The following FTO variants were observed in gnomAD, a reference collection of about 807,000 sequenced individuals.
FTO encodes the protein FTO alpha-ketoglutarate dependent dioxygenase.
FTO carries 47 observed loss-of-function variants against 63.9 expected under a neutral mutation model. The observed-to-expected ratio is 0.74, with a 90% CI of 0.58 to 0.94. The LOEUF (loss-of-function observed/expected upper bound fraction) is 0.94, where lower values mean the gene tolerates loss of function less well. Among genes scored for constraint, FTO ranks in the 40% least tolerant of loss-of-function variants. The pLI is 0.00. For synonymous variants in FTO, 207 were observed against 224.4 expected (o/e 0.92, Z 0.69); for missense variants, 562 against 618.1 (o/e 0.91, Z 0.96).
chr16:53,845,404 TG>T, intron 4 of FTO, among the ~76,000 whole-genome samples: 1 of 152,212 alleles, frequency 6.6e-6, no homozygotes, highest in East Asian at 1.9e-4. Flanking sequence ...GGATGAATCT[TG>T]GTTCTTGCCT....
chr16:54,069,491 C>T (rs1239691341), intron 8 of FTO, among the ~76,000 whole-genome samples: 1 of 152,036 alleles, frequency 6.6e-6, no homozygotes, highest in Non-Finnish European at 1.5e-5. Context: ...ATTATACGTT[C>T]CATGGGGAAA....
chr16:53,747,703 C>T (rs758327925), intron 1 of FTO, among the ~76,000 whole-genome samples: 1 of 151,782 alleles, frequency 6.6e-6, no homozygotes, highest in Non-Finnish European at 1.5e-5. Context: ...GCTTTTGTTG[C>T]CTTTGTTTTT....
chr16:54,098,281 G>T (rs1209873648), intron 8 of FTO, among the ~76,000 whole-genome samples: 1 of 152,184 alleles, frequency 6.6e-6, no homozygotes, highest in Non-Finnish European at 1.5e-5. Flanking sequence ...ATGCTACTGA[G>T]TTCCCTACCC....
chr16:53,883,613 A>C (rs2080905210), intron 6 of FTO, among the ~76,000 whole-genome samples: 1 of 119,114 alleles, frequency 8.4e-6, no homozygotes, highest in Non-Finnish European at 1.6e-5. Context: ...CAAGGGCGAA[A>C]CTCTATCTCA....
chr16:54,020,566 ATGACT>A (rs2084567402), intron 8 of FTO, among the ~76,000 whole-genome samples: 2 of 149,568 alleles, frequency 1.3e-5, no homozygotes, highest in African/African-American at 2.5e-5. Flanking sequence ...GATGGGAAAA[ATGACT>A]TGAATCAAAA....
intron 8 of FTO, among the ~76,000 whole-genome samples, chr16:53,980,130 A>G (rs2083510315): frequency 1.3e-5 from 2 of 152,202 alleles, no homozygotes; most frequent in South Asian, 4.1e-4. Context: ...CCTTAAGTCA[A>G]GAAGAACTGG....
intron 8 of FTO, among the ~76,000 whole-genome samples, chr16:53,980,621 C>CA (rs1330704498): frequency 6.6e-6 from 1 of 152,152 alleles, no homozygotes; most frequent in East Asian, 1.9e-4. Context: ...GGTTAGGATC[C>CA]AAAAAGCTGT....
At chr16:53,726,064 T>G (rs935981109) in intron 1 of FTO, among the ~76,000 whole-genome samples, 1 of 152,212 alleles carries the variant, frequency 6.6e-6, no homozygotes, top group African/African-American at 2.4e-5. Context: ...AATACAATCA[T>G]GTATTTCTAC....
chr16:53,824,668 A>G (rs934842845), intron 2 of FTO, among the ~76,000 whole-genome samples: 4 of 152,158 alleles, frequency 2.6e-5, no homozygotes, highest in African/African-American at 9.7e-5. Flanking sequence ...GTGAATGGTA[A>G]TTACTAAATG....
At chr16:53,985,647 C>T (rs750050969) in intron 8 of FTO, among the ~76,000 whole-genome samples, 8 of 152,176 alleles carry the variant, frequency 5.3e-5, no homozygotes, top group Non-Finnish European at 8.8e-5. Context: ...AGAAAATGAA[C>T]GCCAAGGTTG....
At chr16:53,941,053 G>T (rs1014729164) in intron 8 of FTO, among the ~76,000 whole-genome samples, 14 of 152,162 alleles carry the variant, frequency 9.2e-5, no homozygotes, top group Admixed American at 1.3e-4. Context: ...ATAACACTTT[G>T]TATAAGTTAC....
At chr16:53,969,606 A>G (rs2083273086) in intron 8 of FTO, among the ~76,000 whole-genome samples, 1 of 152,146 alleles carries the variant, frequency 6.6e-6, no homozygotes, top group African/African-American at 2.4e-5. Flanking sequence ...TTCTCACCAC[A>G]CTGCATCTTT....
intron 4 of FTO, among the ~76,000 whole-genome samples, chr16:53,859,697 T>C (rs976562260): frequency 6.6e-6 from 1 of 152,060 alleles, no homozygotes; most frequent in African/African-American, 2.4e-5. Flanking sequence ...GTGCTCAACA[T>C]CTAGTCATCA....
intron 1 of FTO, chr16:53,764,397 C>T (rs1355799578): frequency 6.7e-6 from 1 of 148,208 alleles, no homozygotes; most frequent in African/African-American, 2.5e-5. Context: ...TTTGGGAGGC[C>T]GAGGCGGGCG....
chr16:53,715,459 A>C (rs939796421), intron 1 of FTO, among the ~76,000 whole-genome samples: 1 of 152,212 alleles, frequency 6.6e-6, no homozygotes, highest in East Asian at 1.9e-4. Flanking sequence ...TTTATACTTC[A>C]GGCACCAGGT....
intron 8 of FTO, among the ~76,000 whole-genome samples, chr16:54,060,771 G>C (rs2540783): frequency 0.075 from 11,366 of 152,202 alleles, 644 homozygotes; most frequent in African/African-American, 0.15. Flanking sequence ...GTACTTTATG[G>C]AGGTATTTTG....
At chr16:54,056,543 G>C (rs1245126793) in intron 8 of FTO, among the ~76,000 whole-genome samples, 1 of 152,230 alleles carries the variant, frequency 6.6e-6, no homozygotes, top group African/African-American at 2.4e-5. Context: ...ACAAAAGGCA[G>C]TGTGGCCACT....
chr16:54,056,459 C>T (rs1362634920), intron 8 of FTO, among the ~76,000 whole-genome samples: 1 of 152,228 alleles, frequency 6.6e-6, no homozygotes, highest in African/African-American at 2.4e-5. Flanking sequence ...ATATTCACAG[C>T]CTTGTGTAAT....
intron 1 of FTO, among the ~76,000 whole-genome samples, chr16:53,785,914 GAAAAAA>G (rs764170371): frequency 9.8e-6 from 1 of 102,324 alleles, no homozygotes. Context: ...ATCTCAAAAA[GAAAAAA>G]AAAAAAAAAA....
Sources: gnomAD v4.1 joint callset for allele counts (sites outside exome capture counted in the v4.1 genomes callset) on GRCh38, gnomAD v4.1.1 for gene constraint, MANE v1.5 for transcripts, NCBI Gene and HGNC (gene_info 2026-07-23, HGNC 2026-07-21) for gene names.